The following CDC42BPA variants were observed in gnomAD, a reference collection of about 807,000 sequenced individuals.
CDC42BPA encodes CDC42 binding protein kinase alpha.
Under a neutral mutation model 223.5 loss-of-function variants are expected in CDC42BPA, and 80 were observed. That is an observed-to-expected ratio of 0.36 (90% CI 0.30 to 0.43). The LOEUF (loss-of-function observed/expected upper bound fraction) is 0.43, where lower values mean the gene tolerates loss of function less well. Ranked by LOEUF, CDC42BPA falls within the 20% of genes least tolerant of loss-of-function variation. The pLI is 1.00. For synonymous variants in CDC42BPA, 694 were observed against 718.6 expected (o/e 0.97, Z 0.55); for missense variants, 1,743 against 2,099.9 (o/e 0.83, Z 3.32).
At chr1:227,066,192 CA>C (rs1171115681) in intron 21 of CDC42BPA, among the ~76,000 whole-genome samples, 1 of 152,116 alleles carries the variant, frequency 6.6e-6, no homozygotes, top group African/African-American at 2.4e-5. Flanking sequence ...AGTTCAAGAG[CA>C]GCCTGGCCAA....
chr1:227,027,260 T>G (rs568651166), intron 30 of CDC42BPA, among the ~76,000 whole-genome samples: 140 of 152,230 alleles, frequency 9.2e-4, no homozygotes, highest in Non-Finnish European at 1.7e-3. Context: ...TGGGTAGAAC[T>G]AGAGGTATTT....
chr1:227,177,377 A>G (rs1667148889), intron 5 of CDC42BPA, among the ~76,000 whole-genome samples: 1 of 152,172 alleles, frequency 6.6e-6, no homozygotes, highest in Non-Finnish European at 1.5e-5. Flanking sequence ...GATACAGAAT[A>G]CTGCATTGAT....
At position 227,072,064 on chromosome 1, in the gene CDC42BPA, A is replaced by G. The variant is rs1678498093; in HGVS notation, c.2827+144T>C. On this transcript the variant is annotated intron_variant, in intron 20 of 36. Transcript: ENST00000366766. ...GTGTGTGTATGCACATGCATCATAT[A>G]TACACACGTATATTCATAAATGAGT... 11 of 495,898 alleles carry G rather than the reference A, an allele frequency of 2.2e-5. No homozygotes were observed. In the East Asian group the frequency reaches 3.6e-4, roughly 16 times the overall value. 30.7% of individuals were successfully genotyped at this position (495,898 alleles called of 1,614,324 possible). A position where few individuals can be genotyped will look rare whatever the true frequency, so the allele number is the denominator to read the frequency against.
At chr1:227,035,935 T>C (rs1670135715) in intron 24 of CDC42BPA, among the ~76,000 whole-genome samples, 1 of 152,216 alleles carries the variant, frequency 6.6e-6, no homozygotes, top group Non-Finnish European at 1.5e-5. Flanking sequence ...CTAGAGTTTT[T>C]TGCTCTTCAT....
At chr1:227,144,790 G>A (rs1660409342) in intron 8 of CDC42BPA, among the ~76,000 whole-genome samples, 1 of 152,038 alleles carries the variant, frequency 6.6e-6, no homozygotes, top group Admixed American at 6.6e-5. Flanking sequence ...TTGGCTTGAG[G>A]TCTGTATTCA....
At chr1:227,124,155 T>C (rs1168272676) in intron 11 of CDC42BPA, among the ~76,000 whole-genome samples, 2 of 152,156 alleles carry the variant, frequency 1.3e-5, no homozygotes. Context: ...GAAAACCTAC[T>C]ATAACCTACC....
chr1:227,212,918 G>A (rs1674186068), intron 3 of CDC42BPA, among the ~76,000 whole-genome samples: 1 of 152,036 alleles, frequency 6.6e-6, no homozygotes, highest in Non-Finnish European at 1.5e-5. Context: ...CATTACAAGG[G>A]TTTCCATTTA....
At chr1:226,999,179 C>CT (rs34719872) in intron 35 of CDC42BPA, among the ~76,000 whole-genome samples, 55,496 of 143,964 alleles carry the variant, frequency 0.39, 11,023 homozygotes, top group Non-Finnish European at 0.46. Flanking sequence ...AATAGGAACA[C>CT]TTTTTTTTTT....
chr1:227,076,342 C>T (rs1251820550), intron 17 of CDC42BPA, among the ~76,000 whole-genome samples: 2 of 152,108 alleles, frequency 1.3e-5, no homozygotes, highest in African/African-American at 2.4e-5. Flanking sequence ...CTGCAACTTC[C>T]GTCTCCTGGG....
At chr1:227,113,031 T>G (rs1687177906) in intron 12 of CDC42BPA, 118 bp from the exon 13 acceptor site, 2 of 905,434 alleles carry the variant, frequency 2.2e-6, no homozygotes, top group Non-Finnish European at 3.4e-6. Flanking sequence ...TTAGGACAAA[T>G]TAAAAGAAAT....
Position 227,024,458 on chromosome 1 carries a change from T to C in CDC42BPA, c.4531-1111A>G, listed in dbSNP as rs543564282. On this transcript the variant is annotated intron_variant, in intron 31 of 36. Coordinates refer to ENST00000366766, the MANE Select transcript of CDC42BPA (RefSeq NM_001394014.1). ...ATGTCCCATCAATTCTGCTCCTAGG[T>C]ATATGACTCAAACTCCTGAAAACTA... Among the ~76,000 whole-genome samples the C allele has an allele frequency of 8.5e-5, 13 of 152,270 alleles. No homozygotes were observed. The South Asian group carries it at 2.5e-3, about 29-fold the overall frequency.
Position 227,318,042 on chromosome 1 carries a change from A to T in CDC42BPA, c.-860T>A, listed in dbSNP as rs1573063513. On this transcript the variant is annotated 5_prime_UTR_variant, in exon 1 of 37. The change abolishes an upstream ATG in the 5' untranslated region. Coordinates refer to ENST00000366766, the MANE Select transcript of CDC42BPA (RefSeq NM_001394014.1). ...CTACTTGGCCGCCCGAGCCCACTCC[A>T]TGTCGGTGGTCGCTCGTGGGCCGAG... 1 of 330,514 alleles carries T rather than the reference A, an allele frequency of 3.0e-6. No homozygotes were observed. The highest frequency in any genetic ancestry group is 4.7e-5 in the East Asian group (1 of 21,468). 20.5% of individuals were successfully genotyped at this position (330,514 alleles called of 1,614,324 possible).
At chr1:227,205,547 A>G (rs2150289287) in intron 3 of CDC42BPA, among the ~76,000 whole-genome samples, 1 of 152,102 alleles carries the variant, frequency 6.6e-6, no homozygotes, top group South Asian at 2.1e-4. Flanking sequence ...GAGGGAGAAA[A>G]GGGAACTTGC....
chr1:227,230,081 A>G (rs1353404296), intron 2 of CDC42BPA, among the ~76,000 whole-genome samples: 2 of 151,958 alleles, frequency 1.3e-5, no homozygotes, highest in Non-Finnish European at 2.9e-5. Flanking sequence ...ACAGAGCCCT[A>G]CTCTTTACTG....
chr1:227,248,086 T>C (rs1247985952), intron 2 of CDC42BPA, among the ~76,000 whole-genome samples: 1 of 151,994 alleles, frequency 6.6e-6, no homozygotes, highest in African/African-American at 2.4e-5. Flanking sequence ...GAAGCATGTA[T>C]AAGATCTAGG....
chr1:227,221,298 C>T (rs1675855513), intron 2 of CDC42BPA, among the ~76,000 whole-genome samples: 1 of 152,122 alleles, frequency 6.6e-6, no homozygotes. Context: ...TATTCCAAAG[C>T]CTCAGTTAAT....
At position 227,101,200 on chromosome 1, in the gene CDC42BPA, C is replaced by T; in HGVS notation, c.2041G>A (p.Glu681Lys). 6.2e-7 allele frequency: 1 copy of T among 1,603,400 alleles called. No individual in the cohort carries two copies. Among genetic ancestry groups the T allele is most frequent in the Non-Finnish European group, 8.5e-7 (1 of 1,171,952 alleles). ...ISYSPGVCSI[E>K]HQQEITKLKT... Reference sequence around the variant, plus strand: ...AGTTTGGTTATCTCTTGCTGATGTTCTATGCTGCATACTCCTGGTGAGTAA... The same window carrying T: ...AGTTTGGTTATCTCTTGCTGATGTTTTATGCTGCATACTCCTGGTGAGTAA... Residue 681 changes from glutamate to lysine, a missense_variant, in exon 15 of 37, where the codon GAA becomes AAA. This residue lies in a region of CDC42BPA where 464 missense variants were observed against 488.0 expected (regional missense o/e 0.95). Transcript: ENST00000366766.
chr1:227,103,917 C>T (rs947827630), intron 14 of CDC42BPA, among the ~76,000 whole-genome samples: 2 of 151,848 alleles, frequency 1.3e-5, no homozygotes, highest in Non-Finnish European at 1.5e-5. Flanking sequence ...AGCTTTGAAG[C>T]GACAGAAGAA....
chr1:227,098,131 G>A (rs1326468858), intron 15 of CDC42BPA, among the ~76,000 whole-genome samples: 1 of 151,924 alleles, frequency 6.6e-6, no homozygotes, highest in Non-Finnish European at 1.5e-5. Context: ...ATATGGATTC[G>A]GCGCTGCTAA....
Sources: gnomAD v4.1 joint callset for allele counts (sites outside exome capture counted in the v4.1 genomes callset) on GRCh38, gnomAD v4.1.1 for gene constraint, gnomAD v4.1.1 regional missense constraint, MANE v1.5 for transcripts, NCBI Gene and HGNC (gene_info 2026-07-23, HGNC 2026-07-21) for gene names.